The following SORCS3 variants were observed in gnomAD, a reference collection of about 807,000 sequenced individuals.
SORCS3 encodes VPS10 domain-containing receptor SorCS3.
A neutral mutation model predicts 146.3 loss-of-function variants in SORCS3; 57 were observed. That is an observed-to-expected ratio of 0.39 (90% confidence interval 0.31 to 0.49). SORCS3 has a LOEUF of 0.49. SORCS3 is among the 20% of genes least tolerant of loss of function. SORCS3 has a pLI of 0.92. For missense variants in SORCS3, 1,341 were observed against 1,575.5 expected, an observed-to-expected ratio of 0.85 and a Z score of 2.52; for synonymous variants, 653 against 618.5, an observed-to-expected ratio of 1.06 and a Z score of -0.83.
chr10:105,234,203 TTTC>T (rs2056780277), intron 20 of SORCS3, among the ~76,000 whole-genome samples: 1 of 152,118 alleles, frequency 6.6e-6, no homozygotes, highest in Non-Finnish European at 1.5e-5. Context: ...GTCTCTCTAC[TTTC>T]TTCTTGCTTA....
chr10:104,994,033 C>G (rs1480466323), intron 4 of SORCS3, among the ~76,000 whole-genome samples: 1 of 152,134 alleles, frequency 6.6e-6, no homozygotes, highest in Admixed American at 6.5e-5. Flanking sequence ...CCATCTGTTC[C>G]CTTCCAGCAC....
chr10:104,884,118 C>A (rs1305937965), intron 2 of SORCS3, among the ~76,000 whole-genome samples: 1 of 152,184 alleles, frequency 6.6e-6, no homozygotes, highest in Non-Finnish European at 1.5e-5. Flanking sequence ...CTTCTGAAAT[C>A]ATTCAAGTTT....
At chr10:105,092,725 C>T (rs1404349060) in intron 6 of SORCS3, among the ~76,000 whole-genome samples, 1 of 151,838 alleles carries the variant, frequency 6.6e-6, no homozygotes, top group Admixed American at 6.6e-5. Flanking sequence ...CTCAAATTTG[C>T]CCAGATTCAC....
rs1325137933 is a variant in SORCS3, at chr10:105,242,670, TTA to T, written c.2869-2864_2869-2863del. On this transcript the variant is annotated intron_variant, in intron 20 of 26. Coordinates refer to ENST00000369701, the MANE Select transcript of SORCS3 (RefSeq NM_014978.3). The stretch of plus-strand genomic sequence containing the variant: ...TATATTTATATACATTTATATATAT[TTA>T]TATATATTTATATACATTTATATAC... Among the ~76,000 whole-genome samples, 8 of 101,334 alleles carry T rather than the reference TTA, an allele frequency of 7.9e-5. No homozygotes were observed. In the South Asian group the frequency reaches 1.0e-3, roughly 13 times the overall value. 66.5% of individuals were successfully genotyped at this position (101,334 alleles called of 152,430 possible).
chr10:105,197,842 AG>A (rs538378883), intron 14 of SORCS3, among the ~76,000 whole-genome samples: 3 of 152,070 alleles, frequency 2.0e-5, no homozygotes, highest in Non-Finnish European at 4.4e-5. Flanking sequence ...GAGCATATTG[AG>A]GGCTTCCTCC....
intron 4 of SORCS3, among the ~76,000 whole-genome samples, chr10:105,005,373 A>G (rs1057281709): frequency 2.0e-5 from 3 of 152,224 alleles, no homozygotes; most frequent in African/African-American, 4.8e-5. Context: ...ACATATATGC[A>G]TAGATTCATA....
In SORCS3 at chr10:105,263,489, C is replaced by A; in HGVS notation, c.*115C>A. 9.8e-7 allele frequency: 1 copy of A among 1,021,290 alleles called. No homozygotes were observed. The highest frequency in any genetic ancestry group is 1.5e-6 in the Non-Finnish European group (1 of 687,514). The allele number at this position is 1,021,290 out of a possible 1,614,324, so 63.3% of individuals were successfully genotyped here. ...TTTTACCTTTTGTTTACCAAGGGCC[C>A]CTTCATAAATAGCAGGCAAATGCCT... On this transcript the variant is annotated 3_prime_UTR_variant, in exon 27 of 27. Transcript: ENST00000369701.
At chr10:105,157,028 C>T (rs2056215458) in intron 9 of SORCS3, 110 bp from the exon 10 acceptor site, 1 of 1,282,712 alleles carries the variant, frequency 7.8e-7, no homozygotes, top group Non-Finnish European at 1.1e-6. Flanking sequence ...TCTTTTCTTG[C>T]TTGGAACCCC....
intron 14 of SORCS3, among the ~76,000 whole-genome samples, chr10:105,179,502 T>C (rs1307208518): frequency 2.0e-5 from 3 of 152,204 alleles, no homozygotes; most frequent in Admixed American, 6.5e-5. Context: ...ACTTAGAGAA[T>C]AGAGCATAAT....
At chr10:104,916,820 C>CG (rs1195126120) in intron 3 of SORCS3, among the ~76,000 whole-genome samples, 1 of 152,134 alleles carries the variant, frequency 6.6e-6, no homozygotes, top group East Asian at 1.9e-4. Context: ...TGCATTCCCC[C>CG]GTGGTTTTGC....
chr10:104,734,969 T>A (rs985712631), intron 1 of SORCS3, among the ~76,000 whole-genome samples: 6 of 152,218 alleles, frequency 3.9e-5, no homozygotes, highest in Non-Finnish European at 7.3e-5. Flanking sequence ...ACAAGTTAGG[T>A]ATCTCTTTTT....
At chr10:105,179,869 ATGCTT>A (rs1156965913) in intron 14 of SORCS3, among the ~76,000 whole-genome samples, 1 of 152,186 alleles carries the variant, frequency 6.6e-6, no homozygotes. Context: ...GGGGACAAGA[ATGCTT>A]AGCTTTGCCG....
At chr10:104,677,692 G>T (rs190009172) in intron 1 of SORCS3, among the ~76,000 whole-genome samples, 233 of 152,304 alleles carry the variant, frequency 1.5e-3, no homozygotes, top group Non-Finnish European at 2.4e-3. Flanking sequence ...ACGAAATGTG[G>T]CAGGAATGAG....
intron 3 of SORCS3, among the ~76,000 whole-genome samples, chr10:104,971,248 T>A (rs889807968): frequency 1.5e-4 from 23 of 152,146 alleles, no homozygotes; most frequent in African/African-American, 5.3e-4. Flanking sequence ...GAAACATGGA[T>A]TGGAAGGGAC....
chr10:105,077,434 G>A (rs2055595571), intron 5 of SORCS3, among the ~76,000 whole-genome samples: 1 of 151,802 alleles, frequency 6.6e-6, no homozygotes, highest in African/African-American at 2.4e-5. Flanking sequence ...AACTATCCAG[G>A]TGTCATTAAG....
At chr10:105,103,244 G>T (rs572855350) in intron 6 of SORCS3, among the ~76,000 whole-genome samples, 11 of 152,198 alleles carry the variant, frequency 7.2e-5, no homozygotes, top group Non-Finnish European at 1.2e-4. Flanking sequence ...CTGAGACCTT[G>T]TGCCAGCCAC....
rs756316658 is a variant in SORCS3, at chr10:104,840,223, A to T, written c.628-2569A>T. Among the ~76,000 whole-genome samples, 7 of 152,108 alleles carry T rather than the reference A, an allele frequency of 4.6e-5. 1 individual carries two copies. The highest frequency in any genetic ancestry group is 1.0e-4 in the Non-Finnish European group (7 of 68,030). On this transcript the variant is annotated intron_variant, in intron 1 of 26. Transcript: ENST00000369701. ...CTGAGAGGAAGGAGAAACTAAGGAGAGTCTAATAATATTCTCTTGAGTGGT... is the reference window on the plus strand; with the variant it reads ...CTGAGAGGAAGGAGAAACTAAGGAGTGTCTAATAATATTCTCTTGAGTGGT...
intron 1 of SORCS3, among the ~76,000 whole-genome samples, chr10:104,752,769 G>A (rs576606231): frequency 3.0e-4 from 46 of 152,224 alleles, no homozygotes; most frequent in African/African-American, 1.1e-3. Context: ...GTCTGAGGAG[G>A]TATATAATAA....
chr10:104,725,635 T>TC (rs2016619016), intron 1 of SORCS3, among the ~76,000 whole-genome samples: 1 of 152,204 alleles, frequency 6.6e-6, no homozygotes, highest in South Asian at 2.1e-4. Flanking sequence ...CAGTTCGAGC[T>TC]CCCTGGCTGC....
Sources: gnomAD v4.1 joint callset for allele counts (sites outside exome capture counted in the v4.1 genomes callset) on GRCh38, gnomAD v4.1.1 for gene constraint, MANE v1.5 for transcripts, NCBI Gene and HGNC (gene_info 2026-07-23, HGNC 2026-07-21) for gene names.